The following TESC variants were observed in gnomAD, a reference collection of about 807,000 sequenced individuals.
TESC encodes the protein tescalcin, also known as calcineurin B homologous protein 3.
A neutral mutation model predicts 31.0 loss-of-function variants in TESC; 19 were observed. The observed-to-expected ratio is 0.61, with a 90% CI of 0.43 to 0.90. The LOEUF is 0.90. TESC is among the 40% of genes least tolerant of loss of function. The pLI, the probability that TESC is intolerant of heterozygous loss-of-function variation, is 0.00. For synonymous variants in TESC, 109 were observed against 114.8 expected (o/e 0.95, Z 0.32); for missense variants, 248 against 303.8 (o/e 0.82, Z 1.36).
intron 7 of TESC, among the ~76,000 whole-genome samples, 166 bp downstream of exon 7, chr12:117,041,781 A>C (rs1037033477): frequency 3.9e-5 from 6 of 152,202 alleles, no homozygotes; most frequent in African/African-American, 1.4e-4. Context: ...ACCAGTTTAA[A>C]TTGCTTTAAA....
chr12:117,058,790 G>T (rs974059574), intron 2 of TESC, among the ~76,000 whole-genome samples: 7 of 151,844 alleles, frequency 4.6e-5, no homozygotes, highest in Non-Finnish European at 1.0e-4. Flanking sequence ...TGGGGAGAGG[G>T]GAGGGTGAAT....
chr12:117,050,531 T>A lies in TESC; in HGVS notation c.210-1373A>T, dbSNP rs530786823. 2.0e-5 allele frequency among the ~76,000 whole-genome samples: 3 copies of A among 152,340 alleles called. No homozygotes were observed. The South Asian group carries it at 6.2e-4, about 32-fold the overall frequency. On this transcript the variant is annotated intron_variant, in intron 3 of 7. Transcript: ENST00000335209. ...GGAGGAGGCAAGAAAGGGCTGGTGTTCTGGGGGATGGGGACACAGGGAGTT... is the reference window on the plus strand; with the variant it reads ...GGAGGAGGCAAGAAAGGGCTGGTGTACTGGGGGATGGGGACACAGGGAGTT...
intron 2 of TESC, among the ~76,000 whole-genome samples, chr12:117,072,694 C>G (rs1168749340): frequency 6.6e-6 from 1 of 152,256 alleles, no homozygotes; most frequent in Non-Finnish European, 1.5e-5. Context: ...GACAAAGGGG[C>G]TCTGCCTTCC....
chr12:117,088,844 A>T (rs941226333), intron 1 of TESC, among the ~76,000 whole-genome samples: 11 of 152,196 alleles, frequency 7.2e-5, no homozygotes, highest in African/African-American at 2.7e-4. Flanking sequence ...AAAGGGCAAT[A>T]CCCAAGTGCC....
At chr12:117,058,346 T>C (rs1340232730) in intron 2 of TESC, among the ~76,000 whole-genome samples, 1 of 151,942 alleles carries the variant, frequency 6.6e-6, no homozygotes, top group Non-Finnish European at 1.5e-5. Context: ...AATAGGTAAA[T>C]ACACCGCGGT....
intron 1 of TESC, among the ~76,000 whole-genome samples, chr12:117,079,101 T>C (rs1298228142): frequency 6.6e-6 from 1 of 152,216 alleles, no homozygotes; most frequent in Non-Finnish European, 1.5e-5. Flanking sequence ...ACCCACAATT[T>C]GAACTTGGTC....
intron 2 of TESC, among the ~76,000 whole-genome samples, chr12:117,060,061 G>C (rs1243205556): frequency 6.6e-6 from 1 of 152,158 alleles, no homozygotes; most frequent in Non-Finnish European, 1.5e-5. Flanking sequence ...GCTGGGGACG[G>C]GGTGATGGCT....
At chr12:117,088,297 AT>A (rs1264919644) in intron 1 of TESC, among the ~76,000 whole-genome samples, 2 of 152,206 alleles carry the variant, frequency 1.3e-5, no homozygotes, top group Non-Finnish European at 2.9e-5. Context: ...CTTTCAGAGC[AT>A]CTAAGAAACA....
At chr12:117,045,477 C>T (rs1364601478) in intron 6 of TESC, among the ~76,000 whole-genome samples, 3 of 152,212 alleles carry the variant, frequency 2.0e-5, no homozygotes, top group Non-Finnish European at 2.9e-5. Context: ...GATCCCTGCT[C>T]TCCCCACCGA....
chr12:117,081,929 G>T (rs1027125884), intron 1 of TESC, among the ~76,000 whole-genome samples: 14 of 151,572 alleles, frequency 9.2e-5, no homozygotes, highest in Admixed American at 2.6e-4. Context: ...AAGAAAAGAA[G>T]TTGGGGGAAA....
intron 2 of TESC, among the ~76,000 whole-genome samples, chr12:117,072,357 A>G (rs1047131305): frequency 1.3e-5 from 2 of 152,158 alleles, no homozygotes; most frequent in Non-Finnish European, 2.9e-5. Context: ...TGCTGAGATT[A>G]TAGTCGTGAG....
At chr12:117,066,574 C>A (rs1197441311) in intron 2 of TESC, among the ~76,000 whole-genome samples, 1 of 152,010 alleles carries the variant, frequency 6.6e-6, no homozygotes, top group Non-Finnish European at 1.5e-5. Flanking sequence ...ACTGTGTTAG[C>A]CAGGATGGTC....
At chr12:117,075,851 A>ATATATATATATATGTG (rs1422745096) in intron 1 of TESC, among the ~76,000 whole-genome samples, 8,166 of 53,456 alleles carry the variant, frequency 0.15, 776 homozygotes, top group Non-Finnish European at 0.18. Context: ...GTGTGTGTAT[A>ATATATATATATATGTG]TATATATATA....
chr12:117,096,346 A>AG (rs1955394982), intron 1 of TESC, among the ~76,000 whole-genome samples: 1 of 152,184 alleles, frequency 6.6e-6, no homozygotes, highest in Admixed American at 6.5e-5. Context: ...CCTTGGAGGA[A>AG]GGGCCCTGCC....
At chr12:117,053,053 C>T (rs1954670797) in intron 3 of TESC, among the ~76,000 whole-genome samples, 1 of 152,246 alleles carries the variant, frequency 6.6e-6, no homozygotes, top group South Asian at 2.1e-4. Flanking sequence ...TAGCTCCCTC[C>T]TCAGGGTCCC....
rs149917311 is a variant in TESC, at chr12:117,090,201, A to G, written c.58+9024T>C. ...CATTAAATAAGAAAACTATATCCAT[A>G]AGGAAGAGTGGTTGCAAGAATTAAT... On this transcript the variant is annotated intron_variant, in intron 1 of 7. Coordinates refer to ENST00000335209, the MANE Select transcript of TESC (RefSeq NM_017899.4). Among the ~76,000 whole-genome samples the G allele has an allele frequency of 3.3e-5, 5 of 152,374 alleles. No homozygotes were observed. The East Asian group carries it at 9.6e-4, about 29-fold the overall frequency.
intron 1 of TESC, among the ~76,000 whole-genome samples, chr12:117,098,895 C>T (rs977710056): frequency 6.6e-6 from 1 of 151,844 alleles, no homozygotes; most frequent in Non-Finnish European, 1.5e-5. Context: ...GCGGGGGTGC[C>T]TGAGGGACTT....
intron 1 of TESC, among the ~76,000 whole-genome samples, chr12:117,097,538 G>A (rs773675330): frequency 6.6e-6 from 1 of 152,200 alleles, no homozygotes; most frequent in East Asian, 1.9e-4. Flanking sequence ...AGTGGGAGGC[G>A]AGGAGAGGGC....
chr12:117,090,624 G>A (rs1286579504), intron 1 of TESC, among the ~76,000 whole-genome samples: 1 of 152,200 alleles, frequency 6.6e-6, no homozygotes, highest in Non-Finnish European at 1.5e-5. Flanking sequence ...TGCCTAGACA[G>A]TAAGAGGCAA....
Sources: allele counts gnomAD v4.1 joint callset (sites outside exome capture counted in the v4.1 genomes callset), GRCh38; gene constraint gnomAD v4.1.1; transcripts MANE v1.5; gene names NCBI Gene and HGNC (gene_info 2026-07-23, HGNC 2026-07-21).